Variants in TAFA2 observed in about 807,000 individuals in gnomAD.
TAFA2 encodes chemokine-like protein TAFA-2.
Under a neutral mutation model 18.8 loss-of-function variants are expected in TAFA2, and 7 were observed. That is an observed-to-expected ratio of 0.37 (90% CI 0.21 to 0.70). The LOEUF (loss-of-function observed/expected upper bound fraction) is 0.70. Among genes scored for constraint, TAFA2 ranks in the 30% least tolerant of loss-of-function variants. The pLI is 0.53. For synonymous variants in TAFA2, 60 were observed against 54.2 expected (o/e 1.11, Z -0.47); for missense variants, 122 against 158.1 (o/e 0.77, Z 1.23).
chr12:62,194,922 A>G (rs1462595008), upstream of TAFA2, among the ~76,000 whole-genome samples: 1 of 152,224 alleles, frequency 6.6e-6, no homozygotes, highest in Admixed American at 6.5e-5. Flanking sequence ...TTAAAAATGT[A>G]CATATCTTAC....
chr12:61,791,946 T>C (rs998817401), intron 2 of TAFA2, among the ~76,000 whole-genome samples: 4 of 151,638 alleles, frequency 2.6e-5, no homozygotes, highest in African/African-American at 9.7e-5. Flanking sequence ...ATTCACAATA[T>C]CCAAGATATG....
chr12:62,197,922 A>G (rs186896483), intron 1 of TAFA2, among the ~76,000 whole-genome samples: 1 of 152,324 alleles, frequency 6.6e-6, no homozygotes, highest in Admixed American at 6.5e-5. Flanking sequence ...TTTGTGAAGA[A>G]GGCTTTGAGT....
intron 1 of TAFA2, chr12:62,022,267 T>C (rs1881168309): frequency 1.8e-5 from 4 of 223,600 alleles, no homozygotes; most frequent in Non-Finnish European, 3.6e-5. Context: ...AATTTCATAC[T>C]GAAGGCAACG....
At chr12:61,981,622 AACAG>A (rs1879639171) in intron 1 of TAFA2, among the ~76,000 whole-genome samples, 1 of 152,194 alleles carries the variant, frequency 6.6e-6, no homozygotes, top group Admixed American at 6.5e-5. Context: ...AGAAAAAACA[AACAG>A]TCCCATCAAA....
intron 1 of TAFA2, among the ~76,000 whole-genome samples, chr12:62,157,411 A>C (rs529588453): frequency 2.9e-4 from 44 of 152,340 alleles, no homozygotes; most frequent in African/African-American, 1.0e-3. Context: ...AGCACACATG[A>C]ACATTAAAAT....
At chr12:61,840,859 T>G (rs958477356) in intron 2 of TAFA2, among the ~76,000 whole-genome samples, 1 of 151,944 alleles carries the variant, frequency 6.6e-6, no homozygotes, top group Non-Finnish European at 1.5e-5. Context: ...AATTTAGAAT[T>G]TAAGTAAAGT....
intron 1 of TAFA2, among the ~76,000 whole-genome samples, chr12:61,883,918 A>G (rs1875255829): frequency 6.6e-6 from 1 of 152,216 alleles, no homozygotes; most frequent in Non-Finnish European, 1.5e-5. Context: ...GTTACTCCAC[A>G]GTTTTGATTG....
At chr12:61,878,384 A>G (rs1252068823) in intron 1 of TAFA2, among the ~76,000 whole-genome samples, 1 of 152,212 alleles carries the variant, frequency 6.6e-6, no homozygotes, top group Non-Finnish European at 1.5e-5. Flanking sequence ...AGCTCTGCTC[A>G]TTGGCTCTAC....
rs1325901218 is a variant in TAFA2, at chr12:62,209,037, T to C, written c.-130+49726A>G. 2.6e-5 allele frequency among the ~76,000 whole-genome samples: 4 copies of C among 152,204 alleles called. No individual in the cohort carries two copies. The East Asian group carries it at 7.7e-4, about 29-fold the overall frequency. Reference sequence around the variant, plus strand: ...TCGCTTTTGGCCTCTGAATTTCTTTTTGCCCTCTTTCCTCTACCCACTTCC... The same window carrying C: ...TCGCTTTTGGCCTCTGAATTTCTTTCTGCCCTCTTTCCTCTACCCACTTCC... On this transcript the variant is annotated intron_variant, in intron 1 of 5. Coordinates refer to the TAFA2 transcript ENST00000551619.
intron 2 of TAFA2, among the ~76,000 whole-genome samples, chr12:61,828,906 A>G (rs2121084688): frequency 6.6e-6 from 1 of 151,932 alleles, no homozygotes; most frequent in Admixed American, 6.6e-5. Context: ...TTAGAGAATT[A>G]GCAGTGATTC....
chr12:61,867,203 A>T (rs1174893718), intron 2 of TAFA2, 117 bp downstream of exon 2: 5 of 665,020 alleles, frequency 7.5e-6, no homozygotes, highest in Admixed American at 2.9e-5. Flanking sequence ...GAAAACTGCC[A>T]GGGGGAGAAT....
At chr12:62,202,263 C>A (rs752255611) in intron 1 of TAFA2, among the ~76,000 whole-genome samples, 25 of 150,832 alleles carry the variant, frequency 1.7e-4, no homozygotes, top group Non-Finnish European at 3.5e-4. Context: ...TTGGTTATTT[C>A]TTGTCTTCTG....
At chr12:61,961,155 G>A (rs1403775229) in intron 1 of TAFA2, among the ~76,000 whole-genome samples, 1 of 151,828 alleles carries the variant, frequency 6.6e-6, no homozygotes, top group Non-Finnish European at 1.5e-5. Flanking sequence ...GAGAGAGAAG[G>A]TGGGAGGTGC....
intron 1 of TAFA2, among the ~76,000 whole-genome samples, chr12:62,001,161 T>G (rs904013727): frequency 2.0e-5 from 3 of 152,106 alleles, no homozygotes; most frequent in African/African-American, 7.2e-5. Flanking sequence ...TTGCTAAAAT[T>G]TTTTGTTCCT....
At chr12:62,165,696 C>T (rs1162371374) in intron 1 of TAFA2, among the ~76,000 whole-genome samples, 1 of 151,830 alleles carries the variant, frequency 6.6e-6, no homozygotes, top group Non-Finnish European at 1.5e-5. Context: ...CCACAAATTC[C>T]ATCATATCCT....
At chr12:62,130,492 T>C (rs1870637842) in intron 1 of TAFA2, among the ~76,000 whole-genome samples, 1 of 151,974 alleles carries the variant, frequency 6.6e-6, no homozygotes, top group Admixed American at 6.6e-5. Flanking sequence ...ACATTTTTGC[T>C]GGCTAACCCG....
At chr12:61,824,116 A>G (rs1872437067) in intron 2 of TAFA2, among the ~76,000 whole-genome samples, 2 of 152,194 alleles carry the variant, frequency 1.3e-5, no homozygotes, top group South Asian at 2.1e-4. Context: ...AGAAATGGAC[A>G]CTACAGGAAC....
At chr12:61,975,134 A>G (rs1879384094) in intron 1 of TAFA2, among the ~76,000 whole-genome samples, 3 of 151,960 alleles carry the variant, frequency 2.0e-5, no homozygotes, top group South Asian at 4.1e-4. Context: ...ATCATCTTAC[A>G]TAGTTACGTT....
At chr12:61,890,526 T>A (rs1162015800) in intron 1 of TAFA2, 1 of 152,210 alleles carries the variant, frequency 6.6e-6, no homozygotes, top group Non-Finnish European at 1.5e-5. Context: ...GCAAGGGAAA[T>A]GTCTATATAA....
Sources: allele counts gnomAD v4.1 joint callset (sites outside exome capture counted in the v4.1 genomes callset), GRCh38; gene constraint gnomAD v4.1.1; transcripts MANE v1.5; gene names NCBI Gene and HGNC (gene_info 2026-07-23, HGNC 2026-07-21).